Variants in WNT8A observed in about 807,000 individuals in gnomAD.
WNT8A encodes the protein protein Wnt-8a.
A neutral mutation model predicts 20.5 loss-of-function variants in WNT8A; 14 were observed. The ratio of observed to expected loss-of-function variants is 0.68; its 90% CI spans 0.45 to 1.07. The LOEUF (loss-of-function observed/expected upper bound fraction) is 1.07, where lower values mean the gene tolerates loss of function less well. Among genes scored for constraint, WNT8A ranks in the 50% least tolerant of loss-of-function variants. The pLI is 0.00. For synonymous variants in WNT8A, 167 were observed against 169.2 expected (o/e 0.99, Z 0.10); for missense variants, 397 against 462.9 (o/e 0.86, Z 1.31).
chr5:138,091,526 T>C lies in WNT8A; in HGVS notation c.*453T>C. On this transcript the variant is annotated 3_prime_UTR_variant, in exon 5 of 5. Transcript: ENST00000506684. ...GAAGAGCAGCCTGTGGCTACAAATC[T>C]ATGCTGATAAATGAGGTAAAGACCA... 7.6e-7 allele frequency: 1 copy of C among 1,313,030 alleles called. No homozygotes were observed. 81.3% of individuals were successfully genotyped at this position (1,313,030 alleles called of 1,614,324 possible). A position where few individuals can be genotyped will look rare whatever the true frequency, so the allele number is the denominator to read the frequency against.
Position 138,090,985 on chromosome 5 carries a change from A to G in WNT8A, c.1022A>G (p.Lys341Arg). 1 of 1,614,186 alleles carries G rather than the reference A, an allele frequency of 6.2e-7. No individual in the cohort carries two copies. Among genetic ancestry groups the G allele is most frequent in the Non-Finnish European group, 8.5e-7 (1 of 1,180,032 alleles). The change falls in exon 5 of 5, where the codon AAG becomes AGG. Residue 341 changes from lysine (K) to arginine (R), a missense_variant. By Grantham distance (26) the Lys-to-Arg change is conservative. Coordinates refer to ENST00000506684, the MANE Select transcript of WNT8A (RefSeq NM_001300939.2). ...AAATTCCAGTGGTGCTGTACGGTCAAGTGTGACCAGTGTAGGCATGTGGTG... is the reference window on the plus strand; with the variant it reads ...AAATTCCAGTGGTGCTGTACGGTCAGGTGTGACCAGTGTAGGCATGTGGTG... ...NCKFQWCCTV[K>R]CDQCRHVVSK...
downstream of WNT8A, among the ~76,000 whole-genome samples, chr5:138,091,721 G>A (rs1277449650): frequency 6.6e-6 from 1 of 152,104 alleles, no homozygotes; most frequent in Non-Finnish European, 1.5e-5. Context: ...AGATACTTGG[G>A]AGGCTGAAGT....
intron 3 of WNT8A, among the ~76,000 whole-genome samples, chr5:138,088,722 A>G (rs1174858368): frequency 6.6e-6 from 1 of 152,120 alleles, no homozygotes; most frequent in Non-Finnish European, 1.5e-5. Context: ...GTGGGTATAG[A>G]AGACTAATTG....
the WNT8A span, among the ~76,000 whole-genome samples, chr5:138,077,707 T>C: frequency 4.6e-5 from 7 of 152,216 alleles, no homozygotes; most frequent in Admixed American, 3.3e-4. Flanking sequence ...TGAAACCTTG[T>C]ATTGGGTGAG....
chr5:138,088,143 A>T (rs1464592734), intron 3 of WNT8A, among the ~76,000 whole-genome samples: 1 of 152,172 alleles, frequency 6.6e-6, no homozygotes, highest in Non-Finnish European at 1.5e-5. Context: ...TCTAAAAGCA[A>T]CAAGGCAATT....
In WNT8A at chr5:138,087,649, CAAAAAAAA is replaced by C. The variant is rs66902804; in HGVS notation, c.296-139_296-132del. ...TCCAGCCTGGTGACAGAGCGAGTCT[CAAAAAAAA>C]AAAAAAAAAAAAAAAAAGAAAGAAA... On this transcript the variant is annotated intron_variant, in intron 2 of 4. Transcript: ENST00000506684. 4.7e-4 allele frequency among the ~76,000 whole-genome samples: 33 copies of C among 70,244 alleles called. No individual in the cohort carries two copies. The South Asian group carries it at 7.5e-3, about 16-fold the overall frequency. The allele number at this position is 70,244 out of a possible 152,430, so 46.1% of individuals were successfully genotyped here. A position where few individuals can be genotyped will look rare whatever the true frequency, so the allele number is the denominator to read the frequency against.
the WNT8A span, among the ~76,000 whole-genome samples, chr5:138,078,120 T>C: frequency 6.6e-6 from 1 of 151,936 alleles, no homozygotes; most frequent in Non-Finnish European, 1.5e-5. Context: ...TGAGGCTAAA[T>C]TGAAGGGGCC....
At position 138,089,057 on chromosome 5, in the gene WNT8A, G is replaced by A; in HGVS notation, c.552G>A (p.Arg184=). 3 of 1,613,346 alleles carry A rather than the reference G, an allele frequency of 1.9e-6. No individual in the cohort carries two copies. Among genetic ancestry groups the A allele is most frequent in the Non-Finnish European group, 2.5e-6 (3 of 1,179,890 alleles). ...ARALMNLHNN[R]AGRLAVRATM... ...CCCTGATGAATCTTCACAACAACAG[G>A]GCCGGCAGACTGGTGGGTATAGGCA... Residue 184 remains arginine, a synonymous_variant, in exon 4 of 5, where the codon AGG becomes AGA. Coordinates refer to ENST00000506684, the MANE Select transcript of WNT8A (RefSeq NM_001300939.2).
chr5:138,087,033 A>G (rs217269), intron 2 of WNT8A, among the ~76,000 whole-genome samples: 148,327 of 151,436 alleles, frequency 0.98, 72,710 homozygotes, highest in East Asian at 1. Flanking sequence ...ACAACAGAGT[A>G]AGAGCCTATC....
upstream of WNT8A, among the ~76,000 whole-genome samples, chr5:138,080,720 CCT>C (rs1750491212): frequency 6.6e-6 from 1 of 152,004 alleles, no homozygotes; most frequent in Non-Finnish European, 1.5e-5. Context: ...CCCCACTCAG[CCT>C]CCCAAAGGGC....
At chr5:138,081,910 A>T (rs1750519742), upstream of WNT8A, among the ~76,000 whole-genome samples, 2 of 152,208 alleles carry the variant, frequency 1.3e-5, no homozygotes, top group African/African-American at 4.8e-5. Flanking sequence ...TTGCAGACCG[A>T]CGCCAAGCCT....
At chr5:138,079,555 T>A (rs527544215), upstream of WNT8A, among the ~76,000 whole-genome samples, 1 of 152,058 alleles carries the variant, frequency 6.6e-6, no homozygotes, top group Non-Finnish European at 1.5e-5. Context: ...TATGCTCTAG[T>A]ATTTATACCA....
Position 138,090,990 on chromosome 5 carries a change from G to T in WNT8A, c.1027G>T (p.Asp343Tyr). 1 of 1,614,146 alleles carries T rather than the reference G, an allele frequency of 6.2e-7. No individual in the cohort carries two copies. The highest frequency in any genetic ancestry group is 1.1e-5 in the South Asian group (1 of 91,050). The change falls in exon 5 of 5, where the codon GAC (aspartate) becomes TAC (tyrosine). Residue 343 changes from aspartate to tyrosine, a missense_variant. Physicochemically the swap from Asp to Tyr is radical, Grantham distance 160 (BLOSUM62 -3). Coordinates refer to ENST00000506684, the MANE Select transcript of WNT8A (RefSeq NM_001300939.2). Reference protein sequence around the residue: ...KFQWCCTVKCDQCRHVVSKYY... With the variant: ...KFQWCCTVKCYQCRHVVSKYY... ...CCAGTGGTGCTGTACGGTCAAGTGT[G>T]ACCAGTGTAGGCATGTGGTGAGCAA...
intron 4 of WNT8A, 130 bp from the exon 5 acceptor site, chr5:138,090,398 C>T (rs1489604239): frequency 1.1e-5 from 9 of 802,016 alleles, no homozygotes; most frequent in South Asian, 3.7e-5. Flanking sequence ...AAATATTTTT[C>T]GTGAGCTTCC....
At chr5:138,080,609 T>G (rs988234326), upstream of WNT8A, among the ~76,000 whole-genome samples, 1 of 149,776 alleles carries the variant, frequency 6.7e-6, no homozygotes, top group African/African-American at 2.4e-5. Flanking sequence ...AGCCCTGGAC[T>G]TTTTTTTTAG....
chr5:138,079,305 AATT>A (rs1052438481), upstream of WNT8A, among the ~76,000 whole-genome samples: 25 of 147,448 alleles, frequency 1.7e-4, no homozygotes, highest in African/African-American at 5.9e-4. Context: ...ATTATATTAT[AATT>A]ATTATTAATT....
chr5:138,081,696 CG>C (rs1160153663), upstream of WNT8A, among the ~76,000 whole-genome samples: 1 of 151,876 alleles, frequency 6.6e-6, no homozygotes, highest in African/African-American at 2.4e-5. Context: ...AGAGAGCTTG[CG>C]GGGGGCTGGG....
In WNT8A at chr5:138,084,089, G is replaced by A. The variant is rs757260644; in HGVS notation, c.-39G>A. The A allele has an allele frequency of 5.6e-6, 9 of 1,612,336 alleles. No homozygotes were observed. Among genetic ancestry groups the A allele is most frequent in the Middle Eastern group, 1.7e-4 (1 of 5,996 alleles). ...CCTGGTCCACTGGGGTAGGCAGGGCGATGGGGAACCTGTTTATGCTCTGGG... is the reference window on the plus strand; with the variant it reads ...CCTGGTCCACTGGGGTAGGCAGGGCAATGGGGAACCTGTTTATGCTCTGGG... On this transcript the variant is annotated 5_prime_UTR_variant, in exon 1 of 5. Coordinates refer to ENST00000506684, the MANE Select transcript of WNT8A (RefSeq NM_001300939.2).
chr5:138,080,947 A>G (rs185602348), upstream of WNT8A, among the ~76,000 whole-genome samples: 189 of 152,242 alleles, frequency 1.2e-3, 4 homozygotes, highest in Middle Eastern at 0.01. Context: ...CATTTAGAAA[A>G]ACTATATGAT....
Sources: allele counts gnomAD v4.1 joint callset (sites outside exome capture counted in the v4.1 genomes callset), GRCh38; gene constraint gnomAD v4.1.1; transcripts MANE v1.5; gene names NCBI Gene and HGNC (gene_info 2026-07-23, HGNC 2026-07-21).